Variants in PPP1R13B observed in about 807,000 individuals in gnomAD.
The protein encoded by PPP1R13B is apoptosis-stimulating of p53 protein 1.
In PPP1R13B, 44 loss-of-function variants were observed where a neutral mutation model predicts 119.8. The observed-to-expected ratio is 0.37, with a 90% CI of 0.29 to 0.47. The LOEUF is 0.47. Among genes scored for constraint, PPP1R13B ranks in the 20% least tolerant of loss-of-function variants. PPP1R13B has a pLI of 0.99. For synonymous variants in PPP1R13B, 542 were observed against 561.5 expected (o/e 0.97, Z 0.49); for missense variants, 1,227 against 1,413.5 (o/e 0.87, Z 2.12).
At chr14:103,831,503 G>A (rs1389743249) in intron 1 of PPP1R13B, among the ~76,000 whole-genome samples, 1 of 149,602 alleles carries the variant, frequency 6.7e-6, no homozygotes. Flanking sequence ...TACCGAGAGG[G>A]TTTCCCCATG....
rs567285966 is a variant in PPP1R13B at position 103,816,599 on chromosome 14, C to T, written c.10-19081G>A. 4.8e-4 allele frequency among the ~76,000 whole-genome samples: 73 copies of T among 150,622 alleles called. No individual in the cohort carries two copies. In the South Asian group the frequency reaches 5.9e-3, roughly 12 times the overall value. ...TACTTGGAGGCTGAGGCAGGAGAATCGCTTGTACCCGGGAGGTGGAGGTTG... is the reference window on the plus strand; with the variant it reads ...TACTTGGAGGCTGAGGCAGGAGAATTGCTTGTACCCGGGAGGTGGAGGTTG... On this transcript the variant is annotated intron_variant, in intron 1 of 16. Coordinates refer to ENST00000202556, the MANE Select transcript of PPP1R13B (RefSeq NM_015316.3).
chr14:103,791,050 G>A (rs898770801), intron 2 of PPP1R13B, among the ~76,000 whole-genome samples: 1 of 151,996 alleles, frequency 6.6e-6, no homozygotes, highest in South Asian at 2.1e-4. Flanking sequence ...TCCTAGGTAA[G>A]TTCTAGATTT....
At chr14:103,749,996 C>T in intron 7 of PPP1R13B, 62 bp from the exon 8 acceptor site, 1 of 1,559,112 alleles carries the variant, frequency 6.4e-7, no homozygotes, top group South Asian at 1.2e-5. Context: ...TTCTCATTGC[C>T]AGGGAGATTA....
At chr14:103,842,794 T>C (rs1238998774) in intron 1 of PPP1R13B, among the ~76,000 whole-genome samples, 1 of 149,530 alleles carries the variant, frequency 6.7e-6, no homozygotes, top group Admixed American at 6.7e-5. Context: ...TGGCCAAACA[T>C]GGGGAAATTC....
chr14:103,795,182 C>G (rs905980489), intron 2 of PPP1R13B, among the ~76,000 whole-genome samples: 12 of 152,180 alleles, frequency 7.9e-5, no homozygotes, highest in African/African-American at 2.9e-4. Flanking sequence ...AAGTGATCCA[C>G]CCGCCTTGGC....
At chr14:103,827,673 T>C (rs1305934286) in intron 1 of PPP1R13B, among the ~76,000 whole-genome samples, 1 of 149,414 alleles carries the variant, frequency 6.7e-6, no homozygotes, top group African/African-American at 2.4e-5. Flanking sequence ...TATATAAATA[T>C]AGATATGATA....
At chr14:103,789,842 T>C (rs914879772) in intron 2 of PPP1R13B, among the ~76,000 whole-genome samples, 2 of 152,180 alleles carry the variant, frequency 1.3e-5, no homozygotes, top group Non-Finnish European at 2.9e-5. Context: ...ATTAATTATG[T>C]CTTCCTGCTT....
At chr14:103,789,716 G>A (rs2085567929) in intron 2 of PPP1R13B, among the ~76,000 whole-genome samples, 1 of 151,950 alleles carries the variant, frequency 6.6e-6, no homozygotes. Flanking sequence ...GTTTCACCAT[G>A]TCGGCCAGGC....
chr14:103,783,081 T>C (rs775226948), intron 3 of PPP1R13B, among the ~76,000 whole-genome samples: 1 of 151,940 alleles, frequency 6.6e-6, no homozygotes, highest in African/African-American at 2.4e-5. Context: ...GCTGGGATTA[T>C]AGGTGGGAAC....
intron 2 of PPP1R13B, among the ~76,000 whole-genome samples, chr14:103,785,617 T>G (rs1413829516): frequency 6.6e-6 from 1 of 151,490 alleles, no homozygotes; most frequent in African/African-American, 2.4e-5. Flanking sequence ...GTTCGAGAGA[T>G]TCTCCTGCCT....
chr14:103,810,650 T>C (rs1212488060), intron 1 of PPP1R13B, among the ~76,000 whole-genome samples: 1 of 151,886 alleles, frequency 6.6e-6, no homozygotes, highest in African/African-American at 2.4e-5. Flanking sequence ...TGGGCGCCTG[T>C]AGTCCCAGCT....
chr14:103,839,103 C>T (rs2086843185), intron 1 of PPP1R13B, among the ~76,000 whole-genome samples: 1 of 152,138 alleles, frequency 6.6e-6, no homozygotes, highest in African/African-American at 2.4e-5. Context: ...ATCTCTGCCT[C>T]CCAGGTTCAA....
chr14:103,809,443 C>T (rs2086095016), intron 1 of PPP1R13B, among the ~76,000 whole-genome samples: 1 of 152,098 alleles, frequency 6.6e-6, no homozygotes, highest in Non-Finnish European at 1.5e-5. Flanking sequence ...ATACAGCTTT[C>T]CATAATACCA....
chr14:103,759,617 T>C (rs969760454), intron 4 of PPP1R13B, among the ~76,000 whole-genome samples: 5 of 152,122 alleles, frequency 3.3e-5, no homozygotes, highest in African/African-American at 9.7e-5. Context: ...TAAACACTTT[T>C]TGACTAGAGT....
chr14:103,777,900 T>G (rs1170203084), intron 4 of PPP1R13B, among the ~76,000 whole-genome samples: 2 of 151,240 alleles, frequency 1.3e-5, no homozygotes, highest in African/African-American at 4.9e-5. Context: ...GCTCAAGTCA[T>G]CATCCCGCCT....
intron 1 of PPP1R13B, among the ~76,000 whole-genome samples, chr14:103,798,993 T>TTTG (rs1567132856): frequency 1.3e-5 from 2 of 149,994 alleles, no homozygotes; most frequent in African/African-American, 2.5e-5. Context: ...CCTGGTGTTT[T>TTTG]TTTGTTTGTT....
intron 1 of PPP1R13B, among the ~76,000 whole-genome samples, chr14:103,833,317 A>G (rs1219012718): frequency 6.6e-6 from 1 of 151,998 alleles, no homozygotes; most frequent in African/African-American, 2.4e-5. Context: ...TCAACATACC[A>G]TGCTGATTCA....
intron 1 of PPP1R13B, chr14:103,804,090 T>C: frequency 1.1e-6 from 1 of 885,610 alleles, no homozygotes; most frequent in Non-Finnish European, 1.4e-6. Context: ...ACTTGCTCCA[T>C]TTTTTTTTTC....
At chr14:103,807,957 A>G (rs12889993) in intron 1 of PPP1R13B, among the ~76,000 whole-genome samples, 67,704 of 151,868 alleles carry the variant, frequency 0.45, 15,593 homozygotes, top group African/African-American at 0.56. Context: ...AAGTTAGTGT[A>G]AGGCTGGGCA....
Sources: allele counts gnomAD v4.1 joint callset (sites outside exome capture counted in the v4.1 genomes callset), GRCh38; gene constraint gnomAD v4.1.1; transcripts MANE v1.5; gene names NCBI Gene and HGNC (gene_info 2026-07-23, HGNC 2026-07-21).